The following CRISPLD1 variants were observed in gnomAD, a reference collection of about 807,000 sequenced individuals.
CRISPLD1 encodes the protein cysteine-rich secretory protein LCCL domain-containing 1.
A neutral mutation model predicts 77.5 loss-of-function variants in CRISPLD1; 60 were observed. That is an observed-to-expected ratio of 0.77 (90% confidence interval 0.63 to 0.96). The LOEUF (loss-of-function observed/expected upper bound fraction) is 0.96. Ranked by LOEUF, CRISPLD1 falls within the 40% of genes least tolerant of loss-of-function variation. The pLI is 0.00. For missense variants in CRISPLD1, 623 were observed against 615.8 expected (o/e 1.01, Z -0.12); for synonymous variants, 195 against 200.1 (o/e 0.97, Z 0.22).
At chr8:74,997,509 A>C (rs1385410427) in intron 2 of CRISPLD1, among the ~76,000 whole-genome samples, 1 of 152,214 alleles carries the variant, frequency 6.6e-6, no homozygotes, top group African/African-American at 2.4e-5. Context: ...TTTAGTGGTC[A>C]GTTGAGTGGT....
At chr8:74,985,001 T>G in intron 1 of CRISPLD1, 81 bp downstream of exon 1, 1 of 139,458 alleles carries the variant, frequency 7.2e-6, no homozygotes, top group African/African-American at 3.1e-5. Flanking sequence ...TAAACTGTAC[T>G]TAAAAAAAAA....
At chr8:75,010,312 T>C (rs564706014) in intron 2 of CRISPLD1, among the ~76,000 whole-genome samples, 1 of 152,248 alleles carries the variant, frequency 6.6e-6, no homozygotes, top group South Asian at 2.1e-4. Context: ...CATACATTTC[T>C]TTTTACATGC....
chr8:74,996,709 CTTTTTTTTTTTT>C (rs1178454369), intron 2 of CRISPLD1, among the ~76,000 whole-genome samples: 2 of 73,348 alleles, frequency 2.7e-5, no homozygotes, highest in African/African-American at 6.1e-5. Flanking sequence ...GAGCCAGAAT[CTTTTTTTTTTTT>C]TTTTTTTTTT....
Position 75,029,396 on chromosome 8 carries a change from A to T in CRISPLD1, c.1330A>T (p.Ile444Phe). 6.2e-7 allele frequency: 1 copy of T among 1,612,924 alleles called. No individual in the cohort carries two copies. The highest frequency in any genetic ancestry group is 8.5e-7 in the Non-Finnish European group (1 of 1,179,446). ...TTCTTTACCTTCTCAGCTGTCCAGT[A>T]TCTGCAGAGCAGCAGTACATGCTGG... is the stretch of plus-strand genomic sequence containing the variant. ...GTRVYSDLSS[I>F]CRAAVHAGVV... The change falls in exon 14 of 15, where the codon ATC becomes TTC. Residue 444 changes from isoleucine (I) to phenylalanine (F), a missense_variant. Ile to Phe is a conservative substitution (Grantham distance 21). Coordinates refer to ENST00000262207, the MANE Select transcript of CRISPLD1 (RefSeq NM_031461.6).
chr8:74,987,837 T>G (rs1355901890), intron 2 of CRISPLD1, among the ~76,000 whole-genome samples: 2 of 152,216 alleles, frequency 1.3e-5, no homozygotes, highest in African/African-American at 4.8e-5. Context: ...TCTGAGAATA[T>G]TTGTGTATGT....
In CRISPLD1 at chr8:75,016,935, G is replaced by T. The variant is rs865976337; in HGVS notation, c.923G>T (p.Cys308Phe). ...RLRDQCKGTT[C>F]NRYECPAGCL... ...AGAGATCAGTGCAAAGGAACAACCT[G>T]CAATAGGTAATATTTGTTATTATTT... is the stretch of plus-strand genomic sequence containing the variant. The change falls in exon 8 of 15, where the codon TGC (cysteine) becomes TTC (phenylalanine). Residue 308 changes from cysteine to phenylalanine, a missense_variant. Physicochemically the swap from Cys to Phe is radical, Grantham distance 205 (BLOSUM62 -2). Transcript: ENST00000262207. The T allele has an allele frequency of 6.4e-7, 1 of 1,552,162 alleles. No homozygotes were observed. The highest frequency in any genetic ancestry group is 1.2e-5 in the South Asian group (1 of 81,646).
chr8:75,020,957 A>C (rs1188720715), intron 12 of CRISPLD1, among the ~76,000 whole-genome samples: 1 of 152,194 alleles, frequency 6.6e-6, no homozygotes, highest in African/African-American at 2.4e-5. Context: ...ATTATGGTTT[A>C]ATCCATAATC....
rs1265298548 is a variant in CRISPLD1, at chr8:75,029,536, T to G, written c.1451+19T>G. 1.9e-6 allele frequency: 3 copies of G among 1,604,044 alleles called. No individual in the cohort carries two copies. Among genetic ancestry groups the G allele is most frequent in the Non-Finnish European group, 2.6e-6 (3 of 1,172,000 alleles). On this transcript the variant is annotated intron_variant, in intron 14 of 14. Transcript: ENST00000262207. ...CAGAAAGGTAAAAACAAAACATATG[T>G]ATGTATACTTTTAAATACCATCTAT...
chr8:74,998,204 T>G (rs747029324), intron 2 of CRISPLD1, among the ~76,000 whole-genome samples: 6 of 152,134 alleles, frequency 3.9e-5, no homozygotes, highest in Non-Finnish European at 5.9e-5. Context: ...AGCTTCTCTT[T>G]TGTCCAGACA....
chr8:74,997,582 A>G (rs1812665582), intron 2 of CRISPLD1, among the ~76,000 whole-genome samples: 1 of 152,180 alleles, frequency 6.6e-6, no homozygotes, highest in African/African-American at 2.4e-5. Context: ...CTGACTGAAT[A>G]AGATCACCCA....
At chr8:74,990,831 A>G (rs1812562208) in intron 2 of CRISPLD1, among the ~76,000 whole-genome samples, 2 of 151,490 alleles carry the variant, frequency 1.3e-5, no homozygotes, top group African/African-American at 2.4e-5. Flanking sequence ...ATACATTTCC[A>G]TATATCACAC....
chr8:74,992,090 A>G (rs1812581796), intron 2 of CRISPLD1, among the ~76,000 whole-genome samples: 1 of 152,204 alleles, frequency 6.6e-6, no homozygotes, highest in Admixed American at 6.5e-5. Flanking sequence ...TTGATTGAAT[A>G]TTGTTGAATG....
In CRISPLD1 at chr8:75,030,680, A is replaced by ATGTGTGTGTG. The variant is rs34737814; in HGVS notation, c.1451+1181_1451+1190dup. Among the ~76,000 whole-genome samples the ATGTGTGTGTG allele has an allele frequency of 8.8e-4, 129 of 146,550 alleles. 1 individual carries two copies. Among genetic ancestry groups the ATGTGTGTGTG allele is most frequent in the Admixed American group, 2.7e-3 (39 of 14,604 alleles). Reference sequence around the variant, plus strand: ...ATGTCAGGCCTATACCCGGAGATATATGTGTGTGTGTGTGTGTGTGTGTGT... The same window carrying ATGTGTGTGTG: ...ATGTCAGGCCTATACCCGGAGATATATGTGTGTGTGTGTGTGTGTGTGTGTGTGTGTGTGT... On this transcript the variant is annotated intron_variant, in intron 14 of 14. Transcript: ENST00000262207.
intron 12 of CRISPLD1, among the ~76,000 whole-genome samples, chr8:75,020,806 TA>T (rs1460926613): frequency 6.6e-6 from 1 of 152,202 alleles, no homozygotes; most frequent in Non-Finnish European, 1.5e-5. Flanking sequence ...TTTGGTAAGT[TA>T]AAAAGCCCAT....
chr8:75,008,029 C>A (rs1812864939), intron 2 of CRISPLD1, among the ~76,000 whole-genome samples: 1 of 152,086 alleles, frequency 6.6e-6, no homozygotes, highest in Admixed American at 6.6e-5. Context: ...ATTTCTCATA[C>A]ACACACTTGA....
intron 8 of CRISPLD1, 39 bp from the exon 9 acceptor site, chr8:75,017,008 C>G: frequency 6.3e-7 from 1 of 1,587,040 alleles, no homozygotes; most frequent in Non-Finnish European, 8.6e-7. Flanking sequence ...TACTGACATT[C>G]AGAGAAACTA....
chr8:74,995,188 AAC>A (rs1812628111), intron 2 of CRISPLD1, among the ~76,000 whole-genome samples: 1 of 152,304 alleles, frequency 6.6e-6, no homozygotes, highest in South Asian at 2.1e-4. Context: ...GAGAAGGAAA[AAC>A]ACAAAGAAAA....
chr8:75,010,085 C>A (rs1334515670), intron 2 of CRISPLD1, among the ~76,000 whole-genome samples: 2 of 152,010 alleles, frequency 1.3e-5, no homozygotes, highest in Admixed American at 6.6e-5. Context: ...TGAAAAGCAG[C>A]AACTCTTGCT....
At chr8:74,994,341 C>T (rs530980679) in intron 2 of CRISPLD1, among the ~76,000 whole-genome samples, 1 of 152,290 alleles carries the variant, frequency 6.6e-6, no homozygotes, top group Non-Finnish European at 1.5e-5. Context: ...CTTGGTTGGC[C>T]AGCCAGCCAG....
Sources: gnomAD v4.1 joint callset for allele counts (sites outside exome capture counted in the v4.1 genomes callset) on GRCh38, gnomAD v4.1.1 for gene constraint, MANE v1.5 for transcripts, NCBI Gene and HGNC (gene_info 2026-07-23, HGNC 2026-07-21) for gene names.